Variants in ELAPOR2 observed in about 807,000 individuals in gnomAD.
ELAPOR2 encodes the protein endosome-lysosome associated apoptosis and autophagy regulator family member 2, also known as endosome/lysosome-associated apoptosis and autophagy regulator family member 2.
A neutral mutation model predicts 120.7 loss-of-function variants in ELAPOR2; 89 were observed. The observed-to-expected ratio is 0.74, with a 90% confidence interval of 0.62 to 0.88. ELAPOR2 has a LOEUF of 0.88. Among genes scored for constraint, ELAPOR2 ranks in the 40% least tolerant of loss-of-function variants. ELAPOR2 has a pLI of 0.00. For synonymous variants in ELAPOR2, 444 were observed against 444.9 expected, an observed-to-expected ratio of 1.00 and a Z score of 0.03; for missense variants, 1,134 against 1,251.6, an observed-to-expected ratio of 0.91 and a Z score of 1.42.
At chr7:86,983,653 AC>A (rs762050181) in intron 1 of ELAPOR2, among the ~76,000 whole-genome samples, 84 of 152,348 alleles carry the variant, frequency 5.5e-4, no homozygotes, top group Non-Finnish European at 7.2e-4. Context: ...TTTTGTCACT[AC>A]CAGGCCTGCC....
chr7:87,006,456 T>C (rs780313395), intron 1 of ELAPOR2, among the ~76,000 whole-genome samples: 4 of 151,970 alleles, frequency 2.6e-5, no homozygotes, highest in Admixed American at 2.0e-4. Context: ...CAAACCACTA[T>C]GGCACATGTA....
chr7:86,893,968 T>G (rs1788317938), intron 19 of ELAPOR2, among the ~76,000 whole-genome samples: 1 of 152,088 alleles, frequency 6.6e-6, no homozygotes, highest in Non-Finnish European at 1.5e-5. Flanking sequence ...CCAACATTAA[T>G]AATATAGGCA....
intron 8 of ELAPOR2, among the ~76,000 whole-genome samples, chr7:86,931,875 T>C (rs899768256): frequency 6.6e-6 from 1 of 152,048 alleles, no homozygotes; most frequent in African/African-American, 2.4e-5. Flanking sequence ...TTTAAGAGCA[T>C]ATGATTTCTA....
chr7:87,026,879 C>G (rs1794260278), intron 1 of ELAPOR2, among the ~76,000 whole-genome samples: 1 of 152,010 alleles, frequency 6.6e-6, no homozygotes, highest in Non-Finnish European at 1.5e-5. Context: ...AAACCTCATG[C>G]TGAAAAAGAA....
At chr7:87,014,860 TA>T (rs1793818493) in intron 1 of ELAPOR2, among the ~76,000 whole-genome samples, 1 of 152,168 alleles carries the variant, frequency 6.6e-6, no homozygotes, top group Non-Finnish European at 1.5e-5. Flanking sequence ...TTGGCAATAG[TA>T]AATATGTTTA....
intron 1 of ELAPOR2, among the ~76,000 whole-genome samples, chr7:86,984,103 A>G (rs1792618023): frequency 6.6e-6 from 1 of 152,236 alleles, no homozygotes; most frequent in Non-Finnish European, 1.5e-5. Flanking sequence ...AGGCCACTAC[A>G]TAATGGTAAA....
At chr7:86,940,898 T>C (rs1291637610) in intron 5 of ELAPOR2, among the ~76,000 whole-genome samples, 1 of 152,082 alleles carries the variant, frequency 6.6e-6, no homozygotes, top group African/African-American at 2.4e-5. Flanking sequence ...TTCCCTTGTA[T>C]TAAGCCTTTT....
At chr7:86,899,202 T>TG in intron 18 of ELAPOR2, among the ~76,000 whole-genome samples, 1 of 152,118 alleles carries the variant, frequency 6.6e-6, no homozygotes, top group Non-Finnish European at 1.5e-5. Context: ...CTGGGACAGG[T>TG]AAACATAGCA....
chr7:86,904,072 C>T (rs557096214), intron 18 of ELAPOR2, among the ~76,000 whole-genome samples: 4 of 152,130 alleles, frequency 2.6e-5, no homozygotes, highest in Non-Finnish European at 5.9e-5. Flanking sequence ...ATTATTCCAT[C>T]GTGACTATGC....
At chr7:86,997,555 T>G (rs1309309830) in intron 1 of ELAPOR2, among the ~76,000 whole-genome samples, 1 of 152,144 alleles carries the variant, frequency 6.6e-6, no homozygotes, top group Non-Finnish European at 1.5e-5. Context: ...GCAGAAGCAA[T>G]TCAACTGGCA....
intron 21 of ELAPOR2, among the ~76,000 whole-genome samples, chr7:86,890,299 C>A (rs527620365): frequency 5.2e-4 from 79 of 151,936 alleles, no homozygotes; most frequent in African/African-American, 1.9e-3. Context: ...TGTCTCCTTC[C>A]TGAGCAAAGG....
At position 86,947,939 on chromosome 7, in the gene ELAPOR2, T is replaced by G. The variant is rs754049289; in HGVS notation, c.311-17A>C. 5.9e-6 allele frequency: 9 copies of G among 1,535,300 alleles called. No homozygotes were observed. The highest frequency in any genetic ancestry group is 3.9e-5 in the Admixed American group (2 of 50,784). On this transcript the variant is annotated splice_polypyrimidine_tract_variant and intron_variant, in intron 2 of 21. Coordinates refer to ENST00000450689, the MANE Select transcript of ELAPOR2 (RefSeq NM_001142749.3). Reference sequence around the variant, plus strand: ...AGGAGAAAGCTGGAAGGCAGAAGAATGGACAACCCATTACTTACCCTCCCA... The same window carrying G: ...AGGAGAAAGCTGGAAGGCAGAAGAAGGGACAACCCATTACTTACCCTCCCA...
At chr7:86,933,758 A>G (rs1196173541) in intron 8 of ELAPOR2, among the ~76,000 whole-genome samples, 1 of 151,998 alleles carries the variant, frequency 6.6e-6, no homozygotes, top group African/African-American at 2.4e-5. Flanking sequence ...TTTTTGAGCC[A>G]TGCTCCCACT....
intron 1 of ELAPOR2, among the ~76,000 whole-genome samples, chr7:86,993,195 C>G (rs1184168813): frequency 7.0e-6 from 1 of 141,910 alleles, no homozygotes; most frequent in Non-Finnish European, 1.5e-5. Context: ...AAGATCGCAC[C>G]ACCGTACTCC....
chr7:87,021,628 C>T (rs1794043539), intron 1 of ELAPOR2, among the ~76,000 whole-genome samples: 1 of 152,122 alleles, frequency 6.6e-6, no homozygotes, highest in South Asian at 2.1e-4. Flanking sequence ...CTGGTAAGAA[C>T]ATGTATTTTA....
At chr7:86,887,794 G>T (rs1799761943) in intron 21 of ELAPOR2, among the ~76,000 whole-genome samples, 1 of 152,050 alleles carries the variant, frequency 6.6e-6, no homozygotes, top group East Asian at 1.9e-4. Context: ...ACAGCAGTTT[G>T]GTCATCAAAT....
intron 2 of ELAPOR2, among the ~76,000 whole-genome samples, chr7:86,963,934 A>T (rs1237507735): frequency 6.6e-6 from 1 of 152,184 alleles, no homozygotes; most frequent in Non-Finnish European, 1.5e-5. Context: ...TTCACCAAGA[A>T]ATAATGGTAT....
chr7:87,052,776 C>CTTTTG (rs77194595), intron 1 of ELAPOR2, among the ~76,000 whole-genome samples: 14,536 of 146,986 alleles, frequency 0.099, 760 homozygotes, highest in Middle Eastern at 0.13. Flanking sequence ...GGTTTGTTTT[C>CTTTTG]TTTTGTTTTG....
intron 12 of ELAPOR2, among the ~76,000 whole-genome samples, 198 bp from the exon 13 acceptor site, chr7:86,915,058 A>G (rs910343269): frequency 1.3e-5 from 2 of 152,268 alleles, no homozygotes; most frequent in African/African-American, 4.8e-5. Context: ...TAATCACAAT[A>G]TATCAACCAC....
Sources: gnomAD v4.1 joint callset for allele counts (sites outside exome capture counted in the v4.1 genomes callset) on GRCh38, gnomAD v4.1.1 for gene constraint, MANE v1.5 for transcripts, NCBI Gene and HGNC (gene_info 2026-07-23, HGNC 2026-07-21) for gene names.